Variants in POC5 observed in about 807,000 individuals in gnomAD.
POC5 encodes the protein centrosomal protein POC5.
POC5 carries 48 observed loss-of-function variants against 62.9 expected under a neutral mutation model. That is an observed-to-expected ratio of 0.76 (90% CI 0.61 to 0.97). The LOEUF (loss-of-function observed/expected upper bound fraction) is 0.97. Ranked by LOEUF, POC5 falls within the 50% of genes least tolerant of loss-of-function variation. The pLI is 0.00. For missense variants in POC5, 696 were observed against 679.5 expected (o/e 1.02, Z -0.27); for synonymous variants, 236 against 228.2 (o/e 1.03, Z -0.31).
intron 11 of POC5, among the ~76,000 whole-genome samples, chr5:75,675,342 T>C (rs17563512): frequency 0.067 from 10,207 of 152,272 alleles, 363 homozygotes; most frequent in South Asian, 0.11. Flanking sequence ...TGGGATTTGT[T>C]ATCAAGTTCT....
Position 75,707,816 on chromosome 5 carries a change from A to C in POC5, c.144T>G (p.Ala48=). The change falls in exon 3 of 12, where the codon GCT becomes GCG. Residue 48 remains alanine (A), a synonymous_variant. Coordinates refer to ENST00000428202, the MANE Select transcript of POC5 (RefSeq NM_001099271.2). ...AIVTPNIEPC[A]SQSSHPKGEL... is the part of the protein sequence containing the mutation. ...CTCCCTTAGGATGAGATGACTGTGAAGCACAGGGTTCAATATTTGGAGTCA... is the reference window on the plus strand; with the variant it reads ...CTCCCTTAGGATGAGATGACTGTGACGCACAGGGTTCAATATTTGGAGTCA... 1 of 1,586,524 alleles carries C rather than the reference A, an allele frequency of 6.3e-7. No homozygotes were observed. Among genetic ancestry groups the C allele is most frequent in the Non-Finnish European group, 8.6e-7 (1 of 1,162,864 alleles).
rs1350835624 is a variant in POC5, at chr5:75,693,172, C to T, written c.691-672G>A. On this transcript the variant is annotated intron_variant, in intron 6 of 11. Transcript: ENST00000428202. ...TGTTATACATATAACATATTAATAA[C>T]ATTATATATAACTAATGTTATTAAT... Among the ~76,000 whole-genome samples, 3 of 143,974 alleles carry T rather than the reference C, an allele frequency of 2.1e-5. No individual in the cohort carries two copies. In the East Asian group the frequency reaches 6.0e-4, roughly 29 times the overall value. 94.5% of individuals were successfully genotyped at this position (143,974 alleles called of 152,430 possible). A position where few individuals can be genotyped will look rare whatever the true frequency, so the allele number is the denominator to read the frequency against.
At chr5:75,688,432 T>C (rs1396413734) in intron 9 of POC5, among the ~76,000 whole-genome samples, 2 of 152,194 alleles carry the variant, frequency 1.3e-5, no homozygotes, top group Non-Finnish European at 2.9e-5. Context: ...ATTCTAGTTA[T>C]GGGCTTTTCT....
At chr5:75,701,448 T>C (rs1396606538) in intron 5 of POC5, among the ~76,000 whole-genome samples, 1 of 138,146 alleles carries the variant, frequency 7.2e-6, no homozygotes, top group Non-Finnish European at 1.6e-5. Context: ...GAAATCATCA[T>C]TCTCAGTAAA....
intron 6 of POC5, 60 bp from the exon 7 acceptor site, chr5:75,692,560 A>AT (rs1326110994): frequency 8.4e-7 from 1 of 1,186,886 alleles, no homozygotes; most frequent in African/African-American, 1.5e-5. Flanking sequence ...TGGTAAAGTG[A>AT]TTTTCTCATA....
At chr5:75,688,583 A>T (rs67803720) in intron 9 of POC5, among the ~76,000 whole-genome samples, 37,241 of 152,124 alleles carry the variant, frequency 0.24, 4,780 homozygotes, top group South Asian at 0.32. Flanking sequence ...TTTCATAAAC[A>T]GGAAGATTAG....
chr5:75,707,051 G>A (rs1358863418), intron 3 of POC5, among the ~76,000 whole-genome samples: 1 of 152,188 alleles, frequency 6.6e-6, no homozygotes, highest in Non-Finnish European at 1.5e-5. Context: ...TTGGAGTTAC[G>A]CCTATAGTGT....
At chr5:75,711,371 G>A (rs934629605) in intron 2 of POC5, among the ~76,000 whole-genome samples, 1 of 152,014 alleles carries the variant, frequency 6.6e-6, no homozygotes, top group Non-Finnish European at 1.5e-5. Flanking sequence ...GATAGGAGCT[G>A]TGGTTAGAGG....
At chr5:75,675,241 C>T (rs995029498) in intron 11 of POC5, among the ~76,000 whole-genome samples, 5 of 148,496 alleles carry the variant, frequency 3.4e-5, no homozygotes, top group Non-Finnish European at 5.9e-5. Flanking sequence ...ACTATGTATA[C>T]AAGTACACAT....
chr5:75,711,605 T>G (rs966810340), intron 2 of POC5, among the ~76,000 whole-genome samples: 5 of 152,218 alleles, frequency 3.3e-5, no homozygotes, highest in African/African-American at 1.2e-4. Context: ...GTATTTATAT[T>G]TTGAAGTGCT....
At chr5:75,676,165 C>G (rs6892146) in intron 11 of POC5, among the ~76,000 whole-genome samples, 43,043 of 152,050 alleles carry the variant, frequency 0.28, 7,876 homozygotes, top group African/African-American at 0.51. Context: ...AAAACAAAAG[C>G]TTGTCTAATA....
intron 6 of POC5, among the ~76,000 whole-genome samples, 166 bp from the exon 7 acceptor site, chr5:75,692,666 C>T (rs970505644): frequency 6.6e-6 from 1 of 152,022 alleles, no homozygotes; most frequent in African/African-American, 2.4e-5. Flanking sequence ...AACTTTCTCA[C>T]ATGAATATAC....
At chr5:75,692,522 A>C in intron 6 of POC5, 22 bp from the exon 7 acceptor site, 1 of 1,493,898 alleles carries the variant, frequency 6.7e-7, no homozygotes, top group Non-Finnish European at 9.1e-7. Flanking sequence ...AATTAACCCA[A>C]TTATTGTGAT....
At chr5:75,702,428 C>T (rs1440923460) in intron 5 of POC5, among the ~76,000 whole-genome samples, 177 bp downstream of exon 5, 3 of 152,064 alleles carry the variant, frequency 2.0e-5, no homozygotes, top group Admixed American at 6.5e-5. Flanking sequence ...AACAGGCTCC[C>T]GCTATGATTC....
intron 10 of POC5, among the ~76,000 whole-genome samples, chr5:75,681,603 T>C (rs1775868319): frequency 6.7e-6 from 1 of 149,832 alleles, no homozygotes; most frequent in Non-Finnish European, 1.5e-5. Flanking sequence ...ATTTTTTAAA[T>C]AATTTTATTT....
At chr5:75,678,636 C>T (rs1341639912) in intron 10 of POC5, among the ~76,000 whole-genome samples, 3 of 152,008 alleles carry the variant, frequency 2.0e-5, no homozygotes, top group Non-Finnish European at 4.4e-5. Context: ...ATACAGAGAC[C>T]TGCTATAGTT....
intron 5 of POC5, among the ~76,000 whole-genome samples, chr5:75,698,356 A>G (rs1776704317): frequency 6.6e-6 from 1 of 152,080 alleles, no homozygotes; most frequent in Non-Finnish European, 1.5e-5. Context: ...AACAGAAATT[A>G]TAACAAACTA....
intron 6 of POC5, among the ~76,000 whole-genome samples, chr5:75,694,296 A>T (rs528000011): frequency 6.6e-6 from 1 of 152,310 alleles, no homozygotes; most frequent in Admixed American, 6.5e-5. Context: ...GGAAGAAAGG[A>T]TTAGAAAGAA....
At chr5:75,683,739 C>T (rs976431174) in intron 10 of POC5, among the ~76,000 whole-genome samples, 2 of 150,962 alleles carry the variant, frequency 1.3e-5, no homozygotes, top group African/African-American at 2.4e-5. Context: ...GGGTCTTGCT[C>T]GTTGCCCAGG....
Sources: allele counts gnomAD v4.1 joint callset (sites outside exome capture counted in the v4.1 genomes callset), GRCh38; gene constraint gnomAD v4.1.1; transcripts MANE v1.5; gene names NCBI Gene and HGNC (gene_info 2026-07-23, HGNC 2026-07-21).